NLK: variants seen among roughly 807,000 people sequenced by gnomAD.
NLK encodes serine/threonine-protein kinase NLK.
Under a neutral mutation model 59.0 loss-of-function variants are expected in NLK, and 11 were observed. That is an observed-to-expected ratio of 0.19 (90% CI 0.12 to 0.31). The LOEUF (loss-of-function observed/expected upper bound fraction) is 0.31. Ranked by LOEUF, NLK falls within the 10% of genes least tolerant of loss-of-function variation. The probability of loss-of-function intolerance (pLI) is 1.00; values close to 1 mark genes in which losing one functional copy is unlikely to be tolerated. For missense variants in NLK, 410 were observed against 661.1 expected, an observed-to-expected ratio of 0.62 and a Z score of 4.16; for synonymous variants, 235 against 235.9, an observed-to-expected ratio of 1.00 and a Z score of 0.03.
intron 1 of NLK, among the ~76,000 whole-genome samples, chr17:28,107,788 G>T (rs1905252801): frequency 6.6e-6 from 1 of 152,116 alleles, no homozygotes. Context: ...TCTGGGATGG[G>T]ATACTGTTTT....
intron 1 of NLK, among the ~76,000 whole-genome samples, chr17:28,044,603 A>G (rs1597648784): frequency 1.3e-5 from 2 of 152,158 alleles, no homozygotes; most frequent in African/African-American, 4.8e-5. Context: ...GGAAAAGAGT[A>G]TAGCTGGTAA....
At chr17:28,087,079 A>G (rs574245334) in intron 1 of NLK, among the ~76,000 whole-genome samples, 2 of 151,850 alleles carry the variant, frequency 1.3e-5, no homozygotes, top group East Asian at 3.9e-4. Context: ...GATATTGAGT[A>G]TATGGCAAAC....
chr17:28,176,439 T>G (rs1297455324), intron 7 of NLK, among the ~76,000 whole-genome samples: 1 of 152,266 alleles, frequency 6.6e-6, no homozygotes, highest in Non-Finnish European at 1.5e-5. Flanking sequence ...TGCTATGTGC[T>G]GAACACTTCT....
rs758820704 is a variant in NLK, at chr17:28,043,329, C to T, written c.456C>T (p.Val152=). ...TTGGATATGGAGCCTTTGGTGTTGT[C>T]TGGTGAGTATCCAAAGAAAAACACA... is the stretch of plus-strand genomic sequence containing the variant. ...RPIGYGAFGV[V]WSVTDPRDGK... The change falls in exon 1 of 11, where the codon GTC becomes GTT. Residue 152 remains valine (V), a splice_region_variant and synonymous_variant. Coordinates refer to ENST00000407008, the MANE Select transcript of NLK (RefSeq NM_016231.5). 6 of 1,542,128 alleles carry T rather than the reference C, an allele frequency of 3.9e-6. No homozygotes were observed. In the Admixed American group the frequency reaches 1.3e-4, roughly 33 times the overall value.
Position 28,194,563 on chromosome 17 carries a change from C to T in NLK, c.1530-19C>T. On this transcript the variant is annotated intron_variant, in intron 10 of 10. Coordinates refer to ENST00000407008, the MANE Select transcript of NLK (RefSeq NM_016231.5). Reference sequence around the variant, plus strand: ...ATTGTGACATTACAACTAATTTCTCCATCTCTGTTTTCTTCCAGTTCCACT... The same window carrying T: ...ATTGTGACATTACAACTAATTTCTCTATCTCTGTTTTCTTCCAGTTCCACT... The T allele has an allele frequency of 1.3e-6, 2 of 1,568,286 alleles. No homozygotes were observed. Among genetic ancestry groups the T allele is most frequent in the South Asian group, 1.2e-5 (1 of 86,070 alleles).
rs375041401 is a variant in NLK at position 28,167,685 on chromosome 17, A to G, written c.838-763A>G. ...GGCAACATGGCAAAACCTCATCCCT[A>G]CAAAAAAAAAAAAAAACCCACAAAA... On this transcript the variant is annotated intron_variant, in intron 5 of 10. Transcript: ENST00000407008. 2.5e-4 allele frequency among the ~76,000 whole-genome samples: 37 copies of G among 148,802 alleles called. 3 individuals are homozygous for G. Among genetic ancestry groups the G allele is most frequent in the Admixed American group, 1.8e-3 (27 of 15,022 alleles).
intron 3 of NLK, among the ~76,000 whole-genome samples, chr17:28,148,861 T>TA (rs1444507723): frequency 6.6e-6 from 1 of 152,222 alleles, no homozygotes; most frequent in Admixed American, 6.5e-5. Flanking sequence ...ATTGAGCAGT[T>TA]ACTTCAGGTG....
chr17:28,064,678 A>G (rs1013222020), intron 1 of NLK, among the ~76,000 whole-genome samples: 1 of 152,212 alleles, frequency 6.6e-6, no homozygotes, highest in Admixed American at 6.5e-5. Context: ...GACTACAGGT[A>G]TATGCCACTG....
chr17:28,043,385 T>C (rs1908940728), intron 1 of NLK, 54 bp downstream of exon 1: 1 of 1,400,460 alleles, frequency 7.1e-7, no homozygotes, highest in African/African-American at 1.4e-5. Flanking sequence ...TTGGTTGTCA[T>C]TGGATGAGTC....
chr17:28,102,342 C>T (rs1294049187), intron 1 of NLK, among the ~76,000 whole-genome samples: 3 of 152,068 alleles, frequency 2.0e-5, no homozygotes, highest in East Asian at 1.9e-4. Flanking sequence ...ATATTGTTGA[C>T]TTATGTTAAA....
intron 1 of NLK, among the ~76,000 whole-genome samples, chr17:28,076,775 G>T (rs1166510816): frequency 2.0e-5 from 3 of 152,098 alleles, no homozygotes; most frequent in Admixed American, 6.5e-5. Context: ...AGTAGAGAGG[G>T]TTAGTATCAT....
intron 3 of NLK, among the ~76,000 whole-genome samples, chr17:28,137,985 T>G (rs142871324): frequency 2.0e-5 from 3 of 152,314 alleles, no homozygotes; most frequent in East Asian, 3.8e-4. Context: ...AAGGATTACA[T>G]TTTTCATTTT....
chr17:28,108,189 G>C (rs528668295), intron 1 of NLK, among the ~76,000 whole-genome samples: 11 of 152,184 alleles, frequency 7.2e-5, no homozygotes, highest in African/African-American at 2.4e-4. Context: ...ACATCACTGT[G>C]CTCCAGCCTG....
chr17:28,172,582 C>T lies in NLK; in HGVS notation c.1113C>T (p.Gly371=), dbSNP rs758577927. ...SLEAMRTACE[G]AKAHILRGPH... ...AAGCAATGAGGACAGCTTGTGAAGG[C>T]GCTAAGGCACATATACTCAGGGGTC... Residue 371 remains glycine, a synonymous_variant, in exon 7 of 11, where the codon GGC becomes GGT. Transcript: ENST00000407008. 9.4e-6 allele frequency: 15 copies of T among 1,592,678 alleles called. No homozygotes were observed. Among genetic ancestry groups the T allele is most frequent in the African/African-American group, 5.4e-5 (4 of 73,788 alleles).
intron 3 of NLK, among the ~76,000 whole-genome samples, chr17:28,154,861 C>T (rs551805562): frequency 1.3e-5 from 2 of 152,080 alleles, no homozygotes; most frequent in East Asian, 3.9e-4. Context: ...TGGCGAAACC[C>T]CATCTACTAA....
chr17:28,067,138 A>G (rs758172104), intron 1 of NLK, among the ~76,000 whole-genome samples: 1 of 152,184 alleles, frequency 6.6e-6, no homozygotes, highest in African/African-American at 2.4e-5. Flanking sequence ...TTCAGATCAT[A>G]ACTTTTGGTG....
At chr17:28,077,873 A>G (rs1910219858) in intron 1 of NLK, among the ~76,000 whole-genome samples, 1 of 152,180 alleles carries the variant, frequency 6.6e-6, no homozygotes, top group African/African-American at 2.4e-5. Context: ...CTCTCTCATA[A>G]GTTTCGAAGA....
At chr17:28,203,204 C>T in the NLK span, among the ~76,000 whole-genome samples, 2 of 150,988 alleles carry the variant, frequency 1.3e-5, no homozygotes, top group Non-Finnish European at 3.0e-5. Context: ...CACACACAGT[C>T]TCAGTCTGTT....
chr17:28,126,880 A>G (rs1248342979), intron 2 of NLK, among the ~76,000 whole-genome samples: 1 of 152,192 alleles, frequency 6.6e-6, no homozygotes, highest in Non-Finnish European at 1.5e-5. Flanking sequence ...TTGTGCTTGT[A>G]TGTATATACA....
Sources: allele counts gnomAD v4.1 joint callset (sites outside exome capture counted in the v4.1 genomes callset), GRCh38; gene constraint gnomAD v4.1.1; transcripts MANE v1.5; gene names NCBI Gene and HGNC (gene_info 2026-07-23, HGNC 2026-07-21).